NRXN1: variants seen among roughly 807,000 people sequenced by gnomAD.
NRXN1 encodes the protein neurexin 1.
A neutral mutation model predicts 150.9 loss-of-function variants in NRXN1; 39 were observed. The ratio of observed to expected loss-of-function variants is 0.26; its 90% CI spans 0.20 to 0.34. The LOEUF (loss-of-function observed/expected upper bound fraction) is 0.34. Among genes scored for constraint, NRXN1 ranks in the 10% least tolerant of loss-of-function variants. The pLI is 1.00. For synonymous variants in NRXN1, 924 were observed against 757.0 expected (o/e 1.22, Z -3.62); for missense variants, 1,815 against 1,949.9 (o/e 0.93, Z 1.30).
chr2:50,903,389 T>C (rs1357715279), intron 5 of NRXN1, among the ~76,000 whole-genome samples: 1 of 152,172 alleles, frequency 6.6e-6, no homozygotes, highest in African/African-American at 2.4e-5. Context: ...ATGGTTCAAA[T>C]AAAGCTTTGC....
chr2:50,801,508 G>A (rs1362838702), intron 5 of NRXN1, among the ~76,000 whole-genome samples: 1 of 152,028 alleles, frequency 6.6e-6, no homozygotes, highest in East Asian at 1.9e-4. Flanking sequence ...TAAATGGCAG[G>A]ACTAAATGCG....
intron 17 of NRXN1, among the ~76,000 whole-genome samples, chr2:50,325,915 G>A (rs2076356194): frequency 6.6e-6 from 1 of 152,042 alleles, no homozygotes; most frequent in African/African-American, 2.4e-5. Flanking sequence ...AATCTGTAGA[G>A]CCTAACAAAA....
rs377627279 is a variant in NRXN1 at position 50,673,656 on chromosome 2, C to G, written c.833-50041G>C. ...GGAAATTATGTAACCAGCAAACAGA[C>G]AGAAAAAGTAATTTGTTGGGAATAT... On this transcript the variant is annotated intron_variant, in intron 5 of 22. Coordinates refer to ENST00000401669, the MANE Select transcript of NRXN1 (RefSeq NM_001330078.2). Among the ~76,000 whole-genome samples, 12 of 151,824 alleles carry G rather than the reference C, an allele frequency of 7.9e-5. No individual in the cohort carries two copies. The East Asian group carries it at 1.2e-3, about 15-fold the overall frequency.
chr2:50,170,824 T>C lies in NRXN1; in HGVS notation c.3546+65965A>G, dbSNP rs899558534. On this transcript the variant is annotated intron_variant, in intron 18 of 22. Coordinates refer to ENST00000401669, the MANE Select transcript of NRXN1 (RefSeq NM_001330078.2). The stretch of plus-strand genomic sequence containing the variant: ...ATCTGTATAGTTGGCCCTTGAACAA[T>C]GTGGGGGTTGGGGTACCCATACACT... 5.1e-4 allele frequency among the ~76,000 whole-genome samples: 76 copies of C among 149,990 alleles called. 2 individuals are homozygous for C. The highest frequency in any genetic ancestry group is 1.2e-4 in the Non-Finnish European group (8 of 67,472).
intron 19 of NRXN1, among the ~76,000 whole-genome samples, chr2:50,070,608 A>C (rs1696111856): frequency 6.6e-6 from 1 of 151,684 alleles, no homozygotes; most frequent in South Asian, 2.1e-4. Flanking sequence ...GTCTCTACTA[A>C]AAATACAAAA....
intron 21 of NRXN1, among the ~76,000 whole-genome samples, chr2:50,000,530 C>G (rs1683740218): frequency 6.6e-6 from 1 of 152,072 alleles, no homozygotes; most frequent in African/African-American, 2.4e-5. Flanking sequence ...AGAATGCACT[C>G]AATAACAGGT....
intron 18 of NRXN1, among the ~76,000 whole-genome samples, chr2:50,171,278 T>A (rs924949944): frequency 3.3e-5 from 5 of 150,966 alleles, no homozygotes; most frequent in Middle Eastern, 3.4e-3. Context: ...AGAGAGCATT[T>A]TATATATATA....
At chr2:50,358,027 T>G (rs1403753554) in intron 17 of NRXN1, among the ~76,000 whole-genome samples, 2 of 152,030 alleles carry the variant, frequency 1.3e-5, no homozygotes, top group East Asian at 3.9e-4. Context: ...GACTGTGCCA[T>G]GAGGGATGGT....
intron 18 of NRXN1, among the ~76,000 whole-genome samples, chr2:50,153,169 T>A (rs1219594008): frequency 6.6e-6 from 1 of 151,732 alleles, no homozygotes; most frequent in Non-Finnish European, 1.5e-5. Context: ...TTTTCAGCTC[T>A]AGAACTTGTT....
At chr2:50,860,800 T>C (rs935437706) in intron 5 of NRXN1, among the ~76,000 whole-genome samples, 1 of 152,090 alleles carries the variant, frequency 6.6e-6, no homozygotes, top group African/African-American at 2.4e-5. Context: ...CCAGACCACA[T>C]GAAGTAGAAT....
intron 15 of NRXN1, among the ~76,000 whole-genome samples, chr2:50,474,839 C>CCCCAAAAAAAA (rs1558795095): frequency 3.7e-5 from 4 of 108,846 alleles, no homozygotes; most frequent in Admixed American, 1.1e-4. Flanking sequence ...GCCCCCCTAC[C>CCCCAAAAAAAA]AAAAAAAAAA....
At chr2:50,902,010 TG>T (rs147875722) in intron 5 of NRXN1, among the ~76,000 whole-genome samples, 3,788 of 152,282 alleles carry the variant, frequency 0.025, 91 homozygotes, top group Non-Finnish European at 0.038. Flanking sequence ...TAGAATTTGG[TG>T]GGAAAGTCAT....
intron 5 of NRXN1, among the ~76,000 whole-genome samples, chr2:50,735,212 A>G (rs902001030): frequency 7.2e-5 from 11 of 151,766 alleles, no homozygotes; most frequent in Non-Finnish European, 1.6e-4. Flanking sequence ...GTCTCTCTGG[A>G]TACCTTTATA....
chr2:50,106,016 T>C (rs1397274368), intron 18 of NRXN1, among the ~76,000 whole-genome samples: 1 of 151,910 alleles, frequency 6.6e-6, no homozygotes, highest in Non-Finnish European at 1.5e-5. Flanking sequence ...CAATTTCAGA[T>C]TATGATTAGA....
intron 17 of NRXN1, among the ~76,000 whole-genome samples, chr2:50,457,512 G>A (rs1486581767): frequency 3.3e-5 from 5 of 151,964 alleles, no homozygotes; most frequent in Non-Finnish European, 7.4e-5. Context: ...AATCAGCAAA[G>A]GGAAGAGACA....
intron 5 of NRXN1, among the ~76,000 whole-genome samples, chr2:50,627,835 G>C (rs552118287): frequency 6.6e-6 from 1 of 151,746 alleles, no homozygotes; most frequent in East Asian, 1.9e-4. Context: ...GTGGGACTAG[G>C]ATTCAGACTA....
At chr2:50,403,785 T>A (rs2082555140) in intron 17 of NRXN1, among the ~76,000 whole-genome samples, 1 of 152,142 alleles carries the variant, frequency 6.6e-6, no homozygotes, top group South Asian at 2.1e-4. Flanking sequence ...ATAAGAATTT[T>A]AAAATGCAGA....
At chr2:50,998,622 G>C (rs565065544) in intron 2 of NRXN1, among the ~76,000 whole-genome samples, 19 of 152,080 alleles carry the variant, frequency 1.2e-4, no homozygotes, top group Admixed American at 1.0e-3. Flanking sequence ...AGAGTGTTTA[G>C]AATATGACAC....
chr2:50,015,059 T>G (rs1686347880), intron 21 of NRXN1, among the ~76,000 whole-genome samples: 1 of 152,160 alleles, frequency 6.6e-6, no homozygotes, highest in African/African-American at 2.4e-5. Flanking sequence ...TAAATCAATA[T>G]CACAGCAGTT....
Sources: gnomAD v4.1 joint callset for allele counts (sites outside exome capture counted in the v4.1 genomes callset) on GRCh38, gnomAD v4.1.1 for gene constraint, MANE v1.5 for transcripts, NCBI Gene and HGNC (gene_info 2026-07-23, HGNC 2026-07-21) for gene names.